Variants in TTLL12 observed in about 807,000 individuals in gnomAD.
The protein encoded by TTLL12 is tubulin tyrosine ligase like 12.
Under a neutral mutation model 79.6 loss-of-function variants are expected in TTLL12, and 77 were observed. The observed-to-expected ratio is 0.97, with a 90% CI of 0.81 to 1.17. The LOEUF is 1.17. Ranked by LOEUF, TTLL12 falls within the 50% of genes most tolerant of loss-of-function variation. The pLI is 0.00. For synonymous variants in TTLL12, 437 were observed against 376.1 expected (o/e 1.16, Z -1.87); for missense variants, 969 against 895.9 (o/e 1.08, Z -1.04).
intron 2 of TTLL12, among the ~76,000 whole-genome samples, chr22:43,181,686 G>A (rs558210207): frequency 5.3e-5 from 8 of 152,200 alleles, no homozygotes; most frequent in Admixed American, 1.3e-4. Flanking sequence ...AGACAAAGCC[G>A]CCCCCAGCTT....
intron 1 of TTLL12, among the ~76,000 whole-genome samples, chr22:43,183,824 G>A (rs907824883): frequency 6.6e-6 from 1 of 152,260 alleles, no homozygotes; most frequent in Non-Finnish European, 1.5e-5. Context: ...TCTGCCACAA[G>A]CCGGCAAGGG....
chr22:43,185,948 G>A, intron 1 of TTLL12: 1 of 985,148 alleles, frequency 1.0e-6, no homozygotes, highest in Non-Finnish European at 1.2e-6. Context: ...GTAGCATAAG[G>A]AGGTGCCACT....
rs746080730 is a variant in TTLL12 at position 43,183,057 on chromosome 22, C to G, written c.270G>C (p.Gln90His). 2 of 1,614,046 alleles carry G rather than the reference C, an allele frequency of 1.2e-6. No homozygotes were observed. Among genetic ancestry groups the G allele is most frequent in the Non-Finnish European group, 8.5e-7 (1 of 1,180,000 alleles). Residue 90 changes from glutamine (Q) to histidine (H), a missense_variant, in exon 2 of 14, where the codon CAG becomes CAC. Transcript: ENST00000216129. ...DEAAREVRKQ[Q>H]PNPGNELCYK... Reference sequence around the variant, plus strand: ...AGCACAGCTCGTTCCCCGGGTTGGGCTGCTGCTTCCGCACCTCCCGGGCTG... The same window carrying G: ...AGCACAGCTCGTTCCCCGGGTTGGGGTGCTGCTTCCGCACCTCCCGGGCTG...
At position 43,169,682 on chromosome 22, in the gene TTLL12, G is replaced by T; in HGVS notation, c.1576-114C>A. ...CTGACACTGGGTGGGGGTTCCAGGA[G>T]CAGGCAGCCAACCCCGAACCCTCAG... On this transcript the variant is annotated intron_variant, in intron 11 of 13. Transcript: ENST00000216129. 3 of 1,124,078 alleles carry T rather than the reference G, an allele frequency of 2.7e-6. 1 individual carries two copies. The allele number at this position is 1,124,078 out of a possible 1,614,324, so 69.6% of individuals were successfully genotyped here.
chr22:43,169,351 C>G, intron 12 of TTLL12, 149 bp downstream of exon 12: 1 of 703,734 alleles, frequency 1.4e-6, no homozygotes, highest in South Asian at 1.9e-5. Flanking sequence ...CCCACGCTGT[C>G]TTGCCAGCCT....
Position 43,180,722 on chromosome 22 carries a change from G to A in TTLL12, c.546+20C>T, listed in dbSNP as rs1668047018. ...CCCATGCCTGTCCTCCCCCTCCCCG[G>A]GGCCCAGCTACCCACTCACCCCATG... is the stretch of plus-strand genomic sequence containing the variant. On this transcript the variant is annotated intron_variant, in intron 3 of 13. Transcript: ENST00000216129. The A allele has an allele frequency of 1.2e-6, 2 of 1,611,836 alleles. No homozygotes were observed. The highest frequency in any genetic ancestry group is 1.3e-5 in the African/African-American group (1 of 75,020).
In TTLL12 at chr22:43,173,753, G is replaced by A. The variant is rs780198935; in HGVS notation, c.1303C>T (p.Leu435=). Residue 435 remains leucine (L), a synonymous_variant, in exon 9 of 14, where the codon CTG becomes TTG. Coordinates refer to ENST00000216129, the MANE Select transcript of TTLL12 (RefSeq NM_015140.4). ...RSLDTHVTKS[L]HSIIRHREST... ...TCTCGGTGCCGGATGATGCTGTGCA[G>A]GCTCTTGGTGACGTGGGTGTCCAGG... 1 of 1,604,450 alleles carries A rather than the reference G, an allele frequency of 6.2e-7. No homozygotes were observed. The highest frequency in any genetic ancestry group is 2.2e-5 in the East Asian group (1 of 44,870).
intron 11 of TTLL12, among the ~76,000 whole-genome samples, chr22:43,170,906 A>AT (rs1931748414): frequency 6.6e-6 from 1 of 152,174 alleles, no homozygotes; most frequent in African/African-American, 2.4e-5. Context: ...AGCGTGAGAC[A>AT]TTGTCTCTCA....
At chr22:43,173,861 G>C (rs766032693) in intron 8 of TTLL12, 35 bp from the exon 9 acceptor site, 12 of 1,577,590 alleles carry the variant, frequency 7.6e-6, no homozygotes, top group African/African-American at 1.3e-5. Context: ...GGGGCGCCTG[G>C]GGCCTGTGTT....
At chr22:43,182,220 C>A (rs564930641) in intron 2 of TTLL12, among the ~76,000 whole-genome samples, 2 of 152,252 alleles carry the variant, frequency 1.3e-5, no homozygotes, top group Non-Finnish European at 2.9e-5. Context: ...TGGGCCTGAG[C>A]CGCACAGGAG....
In TTLL12 at chr22:43,166,677, C is replaced by T. The variant is rs1482609759; in HGVS notation, c.*1331G>A. The T allele has an allele frequency of 6.6e-6, 1 of 152,472 alleles. No individual in the cohort carries two copies. 9.4% of individuals were successfully genotyped at this position (152,472 alleles called of 1,614,324 possible). A position where few individuals can be genotyped will look rare whatever the true frequency, so the allele number is the denominator to read the frequency against. On this transcript the variant is annotated 3_prime_UTR_variant, in exon 14 of 14. Transcript: ENST00000216129. Reference sequence around the variant, plus strand: ...ACTGAGGGGGACTGCATGTCCACAGCTCTCCAGGAGCTGCCAAAGGCGACG... The same window carrying T: ...ACTGAGGGGGACTGCATGTCCACAGTTCTCCAGGAGCTGCCAAAGGCGACG...
At position 43,167,438 on chromosome 22, in the gene TTLL12, G is replaced by GGT. The variant is rs925436735; in HGVS notation, c.*568_*569dup. 1 of 295,474 alleles carries GGT rather than the reference G, an allele frequency of 3.4e-6. No homozygotes were observed. The highest frequency in any genetic ancestry group is 6.7e-6 in the Non-Finnish European group (1 of 148,702). 18.3% of individuals were successfully genotyped at this position (295,474 alleles called of 1,614,324 possible). ...AATGGGTGATAAGGCGGGCTTGCTG[G>GGT]GTGGTGGCCTCAGGCTGTTCCTGGG... On this transcript the variant is annotated 3_prime_UTR_variant, in exon 14 of 14. Coordinates refer to ENST00000216129, the MANE Select transcript of TTLL12 (RefSeq NM_015140.4).
At position 43,167,179 on chromosome 22, in the gene TTLL12, C is replaced by T; in HGVS notation, c.*829G>A. On this transcript the variant is annotated 3_prime_UTR_variant, in exon 14 of 14. Transcript: ENST00000216129. ...CCTTTTCTGTCTGGCGCTCCACCGCCCACAATCAGCCCCAGCCCCAGGCGC... is the reference window on the plus strand; with the variant it reads ...CCTTTTCTGTCTGGCGCTCCACCGCTCACAATCAGCCCCAGCCCCAGGCGC... The T allele has an allele frequency of 1.9e-6, 1 of 532,122 alleles. No individual in the cohort carries two copies. Among genetic ancestry groups the T allele is most frequent in the Non-Finnish European group, 3.9e-6 (1 of 259,376 alleles). 33.0% of individuals were successfully genotyped at this position (532,122 alleles called of 1,614,324 possible).
intron 1 of TTLL12, chr22:43,186,105 C>T: frequency 1.5e-6 from 1 of 668,740 alleles, no homozygotes; most frequent in Non-Finnish European, 1.9e-6. Context: ...TCTGGGGTTT[C>T]CACTTCATCA....
Position 43,173,763 on chromosome 22 carries a change from G to T in TTLL12, c.1293C>A (p.Val431=). ...GGATGATGCTGTGCAGGCTCTTGGT[G>T]ACGTGGGTGTCCAGGCTGCGCGCCA... is the stretch of plus-strand genomic sequence containing the variant. ...WNLARSLDTH[V]TKSLHSIIRH... Residue 431 remains valine (V), a synonymous_variant, in exon 9 of 14, where the codon GTC becomes GTA. Transcript: ENST00000216129. The T allele has an allele frequency of 6.2e-7, 1 of 1,604,878 alleles. No individual in the cohort carries two copies.
At chr22:43,172,699 GT>G in intron 9 of TTLL12, 145 bp from the exon 10 acceptor site, 1 of 779,462 alleles carries the variant, frequency 1.3e-6, no homozygotes, top group Non-Finnish European at 2.0e-6. Flanking sequence ...TTGCTGCAAA[GT>G]CTTTTTTTTT....
chr22:43,185,713 G>C (rs540065235), intron 1 of TTLL12, among the ~76,000 whole-genome samples: 68 of 152,328 alleles, frequency 4.5e-4, no homozygotes, highest in Middle Eastern at 6.8e-3. Context: ...TGGAGAACAG[G>C]TCTCAGACGG....
chr22:43,172,323 A>G, intron 10 of TTLL12, 80 bp downstream of exon 10: 1 of 1,552,654 alleles, frequency 6.4e-7, no homozygotes, highest in Admixed American at 1.8e-5. Context: ...TCTGATTCCA[A>G]AAAGGGCCCA....
At chr22:43,186,840 C>G in intron 1 of TTLL12, 53 bp downstream of exon 1, 2 of 1,237,430 alleles carry the variant, frequency 1.6e-6, no homozygotes, top group Non-Finnish European at 2.0e-6. Context: ...GCCGCGGGCT[C>G]CCGCCGCGCT....
Sources: gnomAD v4.1 joint callset for allele counts (sites outside exome capture counted in the v4.1 genomes callset) on GRCh38, gnomAD v4.1.1 for gene constraint, MANE v1.5 for transcripts, NCBI Gene and HGNC (gene_info 2026-07-23, HGNC 2026-07-21) for gene names.